Variants in OTOG observed in about 807,000 individuals in gnomAD.
OTOG encodes the protein otogelin.
OTOG carries 296 observed loss-of-function variants against 313.8 expected under a neutral mutation model. That is an observed-to-expected ratio of 0.94 (90% CI 0.86 to 1.04). The LOEUF is 1.04. OTOG is among the 50% of genes least tolerant of loss of function. The probability of loss-of-function intolerance (pLI) is 0.00; values close to 1 mark genes in which losing one functional copy is unlikely to be tolerated. For synonymous variants in OTOG, 1,533 were observed against 1,554.9 expected (o/e 0.99, Z 0.33); for missense variants, 3,948 against 3,840.1 (o/e 1.03, Z -0.74).
rs774967055 is a variant in OTOG, at chr11:17,574,920, G to A, written c.2486+8G>A. On this transcript the variant is annotated splice_region_variant and intron_variant, in intron 20 of 55. Transcript: ENST00000399397. ...TGACCTCTGTGTCCCCCGGTGAGTG[G>A]GTCAGCTTGATCTCTGAGTTGGGTG... 36 of 1,487,448 alleles carry A rather than the reference G, an allele frequency of 2.4e-5. 1 individual carries two copies. The South Asian group carries it at 4.6e-4, about 19-fold the overall frequency. The allele number at this position is 1,487,448 out of a possible 1,614,324, so 92.1% of individuals were successfully genotyped here.
chr11:17,578,102 G>A (rs1852578353), intron 22 of OTOG, among the ~76,000 whole-genome samples: 1 of 152,178 alleles, frequency 6.6e-6, no homozygotes, highest in Admixed American at 6.5e-5. Context: ...GATTCAATAT[G>A]ATGATGCAGG....
At chr11:17,565,112 T>C (rs1041664190) in intron 15 of OTOG, among the ~76,000 whole-genome samples, 1 of 152,160 alleles carries the variant, frequency 6.6e-6, no homozygotes, top group Admixed American at 6.5e-5. Flanking sequence ...CATACCTTAT[T>C]TAGATTCTAT....
chr11:17,636,112 C>T (rs1292973978), intron 47 of OTOG, among the ~76,000 whole-genome samples: 2 of 152,188 alleles, frequency 1.3e-5, no homozygotes, highest in African/African-American at 2.4e-5. Context: ...TCACAGAAGG[C>T]CCTGTGTTGC....
chr11:17,576,941 C>T (rs772403717), intron 22 of OTOG, 30 bp downstream of exon 22: 49 of 1,542,176 alleles, frequency 3.2e-5, no homozygotes, highest in Non-Finnish European at 3.9e-5. Flanking sequence ...TGGAGCCCTT[C>T]TGGGGGCTCC....
chr11:17,634,113 T>TGA lies in OTOG; in HGVS notation c.7313_7314insAG (p.Trp2438Ter). The change falls in exon 44 of 56, where the codon TGG becomes TGAGG. Residue 2438 changes from tryptophan to a stop codon, truncating the protein, a stop_gained and frameshift_variant. Transcript: ENST00000399397. LOFTEE classifies it high-confidence loss of function. ...MGVPRALGET[W>*]NSSLSGCCQH... is the part of the protein sequence containing the mutation. Reference sequence around the variant, plus strand: ...GGTGCCGAGGGCCCTGGGGGAGACCTGGAACAGCTCCCTCAGCGGCTGCTG... The same window carrying TGA: ...GGTGCCGAGGGCCCTGGGGGAGACCTGAGGAACAGCTCCCTCAGCGGCTGCTG... 5 of 1,548,664 alleles carry TGA rather than the reference T, an allele frequency of 3.2e-6. No individual in the cohort carries two copies. Among genetic ancestry groups the TGA allele is most frequent in the Non-Finnish European group, 4.4e-6 (5 of 1,146,900 alleles).
Position 17,643,469 on chromosome 11 carries a change from T to C in OTOG, c.8424T>C (p.Gly2808=), listed in dbSNP as rs533362498. ...CGACTTCCTCTCTCTAGGTTGGGGG[T>C]TCCGTGGTACCTTCCTTGGAAGGAT... ...LNETECAKVG[G]SVVPSLEGCC... is the part of the protein sequence containing the mutation. The change falls in exon 54 of 56, where the codon GGT becomes GGC. Residue 2808 remains glycine (G), a synonymous_variant. Coordinates refer to ENST00000399397, the MANE Select transcript of OTOG (RefSeq NM_001292063.2). The C allele has an allele frequency of 6.2e-6, 9 of 1,459,710 alleles. No homozygotes were observed. The highest frequency in any genetic ancestry group is 8.2e-6 in the Non-Finnish European group (9 of 1,099,672). 90.4% of individuals were successfully genotyped at this position (1,459,710 alleles called of 1,614,324 possible).
rs147737357 is a variant in OTOG, at chr11:17,571,794, T to G, written c.1956-286T>G. Among the ~76,000 whole-genome samples the G allele has an allele frequency of 5.0e-3, 767 of 152,158 alleles. 27 individuals are homozygous for G. In the East Asian group the frequency reaches 0.087, roughly 17 times the overall value. ...GTGTGTGCGTGCGCGCACGCATGCA[T>G]GTGTACATCCATGATTCTATGTGTT... On this transcript the variant is annotated intron_variant, in intron 17 of 55. Coordinates refer to ENST00000399397, the MANE Select transcript of OTOG (RefSeq NM_001292063.2).
At chr11:17,633,054 G>A (rs11606130) in intron 42 of OTOG, among the ~76,000 whole-genome samples, 5,596 of 152,264 alleles carry the variant, frequency 0.037, 117 homozygotes, top group South Asian at 0.088. Context: ...ATATAGAAGC[G>A]ATTTTCAATC....
At chr11:17,615,920 C>A (rs922406356) in intron 39 of OTOG, among the ~76,000 whole-genome samples, 1 of 151,802 alleles carries the variant, frequency 6.6e-6, no homozygotes, top group Non-Finnish European at 1.5e-5. Context: ...AAGAGTGAAA[C>A]TGTCTCAAAA....
intron 51 of OTOG, 90 bp from the exon 52 acceptor site, chr11:17,641,757 G>T: frequency 1.1e-6 from 1 of 932,838 alleles, no homozygotes; most frequent in South Asian, 1.7e-5. Context: ...GTCCTTCCAG[G>T]CTCTGGGATC....
intron 17 of OTOG, among the ~76,000 whole-genome samples, chr11:17,571,697 C>A (rs1251138835): frequency 2.2e-4 from 34 of 152,178 alleles, no homozygotes; most frequent in Admixed American, 3.3e-4. Context: ...TTCCCCGCCC[C>A]AAGTGGACAA....
intron 23 of OTOG, among the ~76,000 whole-genome samples, chr11:17,581,801 T>C (rs1852673496): frequency 1.3e-5 from 2 of 152,226 alleles, no homozygotes; most frequent in South Asian, 4.1e-4. Flanking sequence ...ATAATGTTTA[T>C]CTATTCTAGA....
intron 25 of OTOG, 120 bp downstream of exon 25, chr11:17,591,708 G>T: frequency 7.7e-7 from 1 of 1,291,066 alleles, no homozygotes; most frequent in Admixed American, 2.2e-5. Flanking sequence ...CTGAGGTGGG[G>T]CTATCTAGAG....
At chr11:17,619,106 T>A (rs1853801560) in intron 39 of OTOG, among the ~76,000 whole-genome samples, 1 of 151,934 alleles carries the variant, frequency 6.6e-6, no homozygotes, top group South Asian at 2.1e-4. Flanking sequence ...CTACTAAAAA[T>A]ATATATATTA....
intron 11 of OTOG, 77 bp downstream of exon 11, chr11:17,559,238 G>A: frequency 3.5e-6 from 4 of 1,132,176 alleles, no homozygotes; most frequent in Non-Finnish European, 3.7e-6. Context: ...TCAATGTCTT[G>A]TCCTGCTCAG....
chr11:17,593,727 G>T lies in OTOG; in HGVS notation c.3259G>T (p.Val1087Leu). 2 of 1,548,754 alleles carry T rather than the reference G, an allele frequency of 1.3e-6. No homozygotes were observed. The highest frequency in any genetic ancestry group is 4.5e-4 in the Middle Eastern group (2 of 4,482). ...CCTCTTGTGGGACCAGAGAACCACA[G>T]TGCACGTCCAGGCTGGGCCTCAGTG... ...ITLLWDQRTT[V>L]HVQAGPQWQG... Residue 1087 changes from valine (V) to leucine (L), a missense_variant, in exon 27 of 56, where the codon GTG becomes TTG. Physicochemically the swap from Val to Leu is conservative, Grantham distance 32 (BLOSUM62 1). Transcript: ENST00000399397.
At position 17,547,411 on chromosome 11, in the gene OTOG, T is replaced by C; in HGVS notation, c.39T>C (p.Cys13=). The C allele has an allele frequency of 1.4e-6, 2 of 1,421,422 alleles. No individual in the cohort carries two copies. Among genetic ancestry groups the C allele is most frequent in the South Asian group, 3.0e-5 (2 of 66,208 alleles). 88.1% of individuals were successfully genotyped at this position (1,421,422 alleles called of 1,614,324 possible). ...VLASALCWLL[C]VWLPWGEQAA... ...CGTCTGCGCTCTGCTGGCTGCTTTG[T>C]GTCTGGCTGCCCTGGGGTGAGCAGG... is the stretch of plus-strand genomic sequence containing the variant. The change falls in exon 1 of 56, where the codon TGT becomes TGC. Residue 13 remains cysteine, a synonymous_variant. Coordinates refer to ENST00000399397, the MANE Select transcript of OTOG (RefSeq NM_001292063.2).
intron 23 of OTOG, among the ~76,000 whole-genome samples, chr11:17,579,732 A>T (rs1029579346): frequency 6.6e-6 from 1 of 152,164 alleles, no homozygotes; most frequent in Non-Finnish European, 1.5e-5. Context: ...CCTGCCTCTC[A>T]GCCTGAGGTC....
Position 17,613,271 on chromosome 11 carries a change from C to G in OTOG, c.6439-341C>G, listed in dbSNP as rs1238008937. Among the ~76,000 whole-genome samples, 5 of 140,260 alleles carry G rather than the reference C, an allele frequency of 3.6e-5. No homozygotes were observed. In the East Asian group the frequency reaches 1.1e-3, roughly 32 times the overall value. The allele number at this position is 140,260 out of a possible 152,430, so 92.0% of individuals were successfully genotyped here. On this transcript the variant is annotated intron_variant, in intron 38 of 55. Transcript: ENST00000399397. ...TCTTTCTTTCTTTCTTTCTTTCTCT[C>G]TCTGTCTGTCTTTCTCCTTCTTTCT...
Sources: allele counts gnomAD v4.1 joint callset (sites outside exome capture counted in the v4.1 genomes callset), GRCh38; gene constraint gnomAD v4.1.1; transcripts MANE v1.5; gene names NCBI Gene and HGNC (gene_info 2026-07-23, HGNC 2026-07-21).